Variants in RBFOX1 observed in about 807,000 individuals in gnomAD.
The protein encoded by RBFOX1 is RNA binding protein fox-1 homolog 1.
A neutral mutation model predicts 57.7 loss-of-function variants in RBFOX1; 8 were observed. The observed-to-expected ratio is 0.14, with a 90% CI of 0.08 to 0.25. RBFOX1 has a LOEUF of 0.25. Among genes scored for constraint, RBFOX1 ranks in the 10% least tolerant of loss-of-function variants. RBFOX1 has a pLI of 1.00. For missense variants in RBFOX1, 611 were observed against 548.5 expected, an observed-to-expected ratio of 1.11 and a Z score of -1.14; for synonymous variants, 326 against 222.4, an observed-to-expected ratio of 1.47 and a Z score of -4.15.
intron 4 of RBFOX1, among the ~76,000 whole-genome samples, chr16:7,445,122 T>C (rs1460498939): frequency 1.3e-5 from 2 of 151,796 alleles, no homozygotes; most frequent in Non-Finnish European, 2.9e-5. Flanking sequence ...ATGAGGAATG[T>C]GGTACAGGGT....
chr16:6,063,259 A>C (rs973348745), intron 1 of RBFOX1, among the ~76,000 whole-genome samples: 1 of 152,044 alleles, frequency 6.6e-6, no homozygotes, highest in Non-Finnish European at 1.5e-5. Context: ...TCACCACATG[A>C]TATGCCAACT....
chr16:7,387,456 A>G (rs1482892709), intron 4 of RBFOX1, among the ~76,000 whole-genome samples: 1 of 152,172 alleles, frequency 6.6e-6, no homozygotes, highest in Non-Finnish European at 1.5e-5. Context: ...CTGTCTTCCA[A>G]ATGCATAGAT....
At chr16:7,607,860 C>G (rs554967215) in intron 10 of RBFOX1, among the ~76,000 whole-genome samples, 2 of 152,306 alleles carry the variant, frequency 1.3e-5, no homozygotes, top group South Asian at 2.1e-4. Context: ...CTTAGCAATT[C>G]CTTTTCTCTC....
intron 1 of RBFOX1, among the ~76,000 whole-genome samples, chr16:5,441,872 A>G (rs1245502261): frequency 6.6e-6 from 1 of 152,164 alleles, no homozygotes; most frequent in Non-Finnish European, 1.5e-5. Flanking sequence ...GATAGGGGAA[A>G]CTGACACCAT....
At chr16:5,286,222 T>G (rs2063391557) in intron 1 of RBFOX1, among the ~76,000 whole-genome samples, 1 of 152,196 alleles carries the variant, frequency 6.6e-6, no homozygotes, top group Non-Finnish European at 1.5e-5. Context: ...GATGATAGCC[T>G]GTCTGCGTGG....
intron 1 of RBFOX1, among the ~76,000 whole-genome samples, chr16:6,120,214 G>T (rs2096538727): frequency 6.6e-6 from 1 of 152,086 alleles, no homozygotes; most frequent in Admixed American, 6.6e-5. Flanking sequence ...TTATTTCCTT[G>T]ACGTAAATAG....
chr16:5,243,885 C>A (rs1340435007), intron 1 of RBFOX1, among the ~76,000 whole-genome samples: 3 of 151,934 alleles, frequency 2.0e-5, no homozygotes, highest in South Asian at 2.1e-4. Flanking sequence ...AAATGCTGGG[C>A]ATAGCATTTA....
chr16:5,875,831 A>G (rs558809112), intron 4 of RBFOX1, among the ~76,000 whole-genome samples: 1 of 151,264 alleles, frequency 6.6e-6, no homozygotes, highest in African/African-American at 2.4e-5. Flanking sequence ...TGGGGGATGA[A>G]TTAGAAGAAT....
intron 4 of RBFOX1, among the ~76,000 whole-genome samples, chr16:5,933,055 C>G (rs140598896): frequency 3.0e-4 from 46 of 152,304 alleles, no homozygotes; most frequent in African/African-American, 1.1e-3. Flanking sequence ...CTGCAGCAGC[C>G]TTAGGTGGGG....
intron 3 of RBFOX1, among the ~76,000 whole-genome samples, chr16:7,033,072 A>T (rs1051907572): frequency 6.6e-6 from 1 of 152,210 alleles, no homozygotes; most frequent in African/African-American, 2.4e-5. Flanking sequence ...AAGGCAAGAA[A>T]GGAATGCCAA....
chr16:7,434,682 A>G (rs1342155509), intron 4 of RBFOX1, among the ~76,000 whole-genome samples: 3 of 152,130 alleles, frequency 2.0e-5, no homozygotes, highest in African/African-American at 7.2e-5. Flanking sequence ...AAAGTTGTAA[A>G]GACAGTCCAG....
At chr16:6,850,613 C>A (rs780612520) in intron 3 of RBFOX1, among the ~76,000 whole-genome samples, 1 of 152,170 alleles carries the variant, frequency 6.6e-6, no homozygotes, top group Non-Finnish European at 1.5e-5. Context: ...CCCATGCCTT[C>A]CACAGATGAC....
At chr16:6,264,887 T>G in intron 1 of RBFOX1, among the ~76,000 whole-genome samples, 1 of 152,202 alleles carries the variant, frequency 6.6e-6, no homozygotes, top group African/African-American at 2.4e-5. Context: ...TGACCTAACA[T>G]GTAGTAAATG....
At chr16:6,538,395 GGT>G (rs2096764223) in intron 2 of RBFOX1, among the ~76,000 whole-genome samples, 1 of 152,156 alleles carries the variant, frequency 6.6e-6, no homozygotes, top group African/African-American at 2.4e-5. Flanking sequence ...GGGTGGCTGA[GGT>G]GGGAGGATCA....
At chr16:5,815,350 C>G (rs1201484467) in intron 3 of RBFOX1, among the ~76,000 whole-genome samples, 1 of 151,994 alleles carries the variant, frequency 6.6e-6, no homozygotes, top group Non-Finnish European at 1.5e-5. Flanking sequence ...TCCCTTCTAT[C>G]CTCCCATCCC....
intron 3 of RBFOX1, among the ~76,000 whole-genome samples, chr16:6,885,872 A>G (rs1456672102): frequency 6.6e-6 from 1 of 152,074 alleles, no homozygotes; most frequent in Non-Finnish European, 1.5e-5. Flanking sequence ...CTAGAAATGG[A>G]TACTGTTTAC....
chr16:7,612,294 C>T (rs538092194), intron 10 of RBFOX1, among the ~76,000 whole-genome samples: 98 of 135,692 alleles, frequency 7.2e-4, no homozygotes, highest in African/African-American at 2.8e-3. Flanking sequence ...GCACTCCAGC[C>T]TGGGTAACAG....
chr16:6,373,755 G>C (rs184227632), intron 2 of RBFOX1, among the ~76,000 whole-genome samples: 3 of 152,124 alleles, frequency 2.0e-5, no homozygotes, highest in Admixed American at 6.6e-5. Context: ...GAATTGTGAC[G>C]ATAAAGGATC....
chr16:6,749,023 G>A (rs760485553), intron 3 of RBFOX1: 1 of 152,086 alleles, frequency 6.6e-6, no homozygotes, highest in African/African-American at 2.4e-5. Flanking sequence ...AAAATCATGG[G>A]ATTAAATGAC....
Sources: gnomAD v4.1 joint callset for allele counts (sites outside exome capture counted in the v4.1 genomes callset) on GRCh38, gnomAD v4.1.1 for gene constraint, MANE v1.5 for transcripts, NCBI Gene and HGNC (gene_info 2026-07-23, HGNC 2026-07-21) for gene names.